The following CLVS1 variants were observed in gnomAD, a reference collection of about 807,000 sequenced individuals.
CLVS1 encodes clavesin-1.
CLVS1 carries 10 observed loss-of-function variants against 33.1 expected under a neutral mutation model. The observed-to-expected ratio is 0.30, with a 90% CI of 0.19 to 0.51. The LOEUF (loss-of-function observed/expected upper bound fraction) is 0.51, where lower values mean the gene tolerates loss of function less well. Ranked by LOEUF, CLVS1 falls within the 20% of genes least tolerant of loss-of-function variation. The pLI is 0.97. For synonymous variants in CLVS1, 163 were observed against 166.1 expected (o/e 0.98, Z 0.14); for missense variants, 343 against 433.4 (o/e 0.79, Z 1.85).
At chr8:61,254,623 G>A (rs181465142) in intron 2 of CLVS1, among the ~76,000 whole-genome samples, 64 of 152,240 alleles carry the variant, frequency 4.2e-4, no homozygotes, top group African/African-American at 1.5e-3. Flanking sequence ...GCAATGGCGG[G>A]CACCCCTCCC....
rs1232356217 is a variant in CLVS1, at chr8:61,299,927, A to T, written c.100A>T (p.Thr34Ser). The change falls in exon 2 of 6, where the codon ACT (threonine) becomes TCT (serine). Residue 34 changes from threonine to serine, a missense_variant. Around this residue, in one of 4 missense-constraint regions of CLVS1, gnomAD observed 88 missense variants for 77.3 expected, o/e 1.14. Coordinates refer to ENST00000325897, the MANE Select transcript of CLVS1 (RefSeq NM_173519.3). The stretch of plus-strand genomic sequence containing the variant: ...TTTACAGGCTGGACTCAGTCCAGAG[A>T]CTATAGAGAAAGCTCGCCTGGAACT... ...THLQAGLSPE[T>S]IEKARLELNE... is the part of the protein sequence containing the mutation. The T allele has an allele frequency of 6.2e-7, 1 of 1,613,902 alleles. No homozygotes were observed. Among genetic ancestry groups the T allele is most frequent in the South Asian group, 1.1e-5 (1 of 91,084 alleles).
intron 1 of CLVS1, among the ~76,000 whole-genome samples, chr8:61,082,977 C>G (rs1486918240): frequency 1.0e-5 from 1 of 97,662 alleles, no homozygotes; most frequent in African/African-American, 4.2e-5. Flanking sequence ...AGAGAAAGAC[C>G]CTGTCTTAAA....
intron 2 of CLVS1, among the ~76,000 whole-genome samples, chr8:61,207,043 T>C (rs900692180): frequency 6.6e-6 from 1 of 152,206 alleles, no homozygotes; most frequent in Non-Finnish European, 1.5e-5. Flanking sequence ...GATGAATGAA[T>C]GAAAGAGCTC....
At chr8:61,227,268 G>T (rs1385289775) in intron 2 of CLVS1, among the ~76,000 whole-genome samples, 1 of 150,680 alleles carries the variant, frequency 6.6e-6, no homozygotes, top group Non-Finnish European at 1.5e-5. Context: ...TGAGGAATTA[G>T]CTCTTCAAGG....
chr8:61,102,745 G>C (rs1295961996), intron 1 of CLVS1, among the ~76,000 whole-genome samples: 1 of 152,054 alleles, frequency 6.6e-6, no homozygotes, highest in Non-Finnish European at 1.5e-5. Context: ...CAGGCCATAA[G>C]GGGCAAAACT....
intron 2 of CLVS1, among the ~76,000 whole-genome samples, chr8:61,273,270 C>T (rs1165005716): frequency 6.6e-6 from 1 of 152,090 alleles, no homozygotes; most frequent in Non-Finnish European, 1.5e-5. Flanking sequence ...TCAGTCTGCC[C>T]CTGCTGGGGG....
In CLVS1 at chr8:61,317,370, A is replaced by T. The variant is rs1276992030; in HGVS notation, c.455+17088A>T. Among the ~76,000 whole-genome samples, 10 of 152,316 alleles carry T rather than the reference A, an allele frequency of 6.6e-5. No homozygotes were observed. The East Asian group carries it at 1.9e-3, about 29-fold the overall frequency. On this transcript the variant is annotated intron_variant, in intron 2 of 5. Coordinates refer to ENST00000325897, the MANE Select transcript of CLVS1 (RefSeq NM_173519.3). ...CCCTTTCCTGAGGGGAGGAGTCCTC[A>T]TGATAGTTTAAAATTCAATCCTGGG...
chr8:61,333,926 C>T (rs2129597489), intron 2 of CLVS1, among the ~76,000 whole-genome samples: 1 of 152,260 alleles, frequency 6.6e-6, no homozygotes, highest in South Asian at 2.1e-4. Context: ...CAGCATTTAG[C>T]TCCCATGTAG....
intron 2 of CLVS1, among the ~76,000 whole-genome samples, chr8:61,260,027 A>G (rs1023049743): frequency 6.6e-6 from 1 of 152,166 alleles, no homozygotes; most frequent in Non-Finnish European, 1.5e-5. Flanking sequence ...CCTAGAATGC[A>G]TAACCCCCAT....
At chr8:61,359,636 G>A (rs898223552) in intron 2 of CLVS1, among the ~76,000 whole-genome samples, 4 of 152,198 alleles carry the variant, frequency 2.6e-5, no homozygotes, top group Admixed American at 2.0e-4. Flanking sequence ...GATTACAGGT[G>A]TGAGCCACCA....
chr8:61,235,872 A>G (rs534803964), intron 2 of CLVS1, among the ~76,000 whole-genome samples: 3 of 152,324 alleles, frequency 2.0e-5, no homozygotes, highest in Non-Finnish European at 2.9e-5. Flanking sequence ...CTTCTGTGTT[A>G]TTAGTCCTCA....
intron 2 of CLVS1, among the ~76,000 whole-genome samples, chr8:61,322,374 A>G (rs967052438): frequency 2.0e-5 from 3 of 152,166 alleles, no homozygotes; most frequent in African/African-American, 7.2e-5. Context: ...GTGCACATTG[A>G]CTATAAATTG....
At chr8:61,193,322 A>G (rs1330806758) in intron 2 of CLVS1, among the ~76,000 whole-genome samples, 1 of 152,174 alleles carries the variant, frequency 6.6e-6, no homozygotes, top group Non-Finnish European at 1.5e-5. Context: ...TGGAACAATG[A>G]GAACACTTGG....
At chr8:61,039,594 G>C in the CLVS1 span, among the ~76,000 whole-genome samples, 5 of 152,028 alleles carry the variant, frequency 3.3e-5, no homozygotes, top group African/African-American at 1.2e-4. Flanking sequence ...CCAGGCTGGA[G>C]TGCAGCGGCG....
intron 3 of CLVS1, among the ~76,000 whole-genome samples, chr8:61,398,394 C>T (rs1320928617): frequency 6.6e-6 from 1 of 152,040 alleles, no homozygotes; most frequent in African/African-American, 2.4e-5. Context: ...ATTGCTCAGG[C>T]TGGTCAGTAA....
intron 2 of CLVS1, among the ~76,000 whole-genome samples, chr8:61,204,039 AG>A (rs1175519721): frequency 6.6e-6 from 1 of 152,224 alleles, no homozygotes; most frequent in Non-Finnish European, 1.5e-5. Flanking sequence ...GACAGGAATG[AG>A]GTCAAGAAGA....
chr8:61,456,872 T>C (rs1424872235), intron 4 of CLVS1, among the ~76,000 whole-genome samples: 11 of 149,784 alleles, frequency 7.3e-5, no homozygotes, highest in Non-Finnish European at 4.4e-5. Flanking sequence ...GAGCCGAGAT[T>C]GCACCACTGC....
rs190861542 is a variant in CLVS1, at chr8:61,255,289, G to C, written c.-151-44388G>C. On this transcript the variant is annotated intron_variant, in intron 2 of 2. Coordinates refer to the CLVS1 transcript ENST00000522621. ...TGACTGAATTAACAGTAATGCTAAAGCAGACACTAAACATCTGATCTTTTG... is the reference window on the plus strand; with the variant it reads ...TGACTGAATTAACAGTAATGCTAAACCAGACACTAAACATCTGATCTTTTG... 1.3e-4 allele frequency among the ~76,000 whole-genome samples: 20 copies of C among 152,286 alleles called. No homozygotes were observed. The East Asian group carries it at 3.7e-3, about 28-fold the overall frequency.
intron 2 of CLVS1, among the ~76,000 whole-genome samples, chr8:61,357,988 A>T (rs1812814022): frequency 6.6e-6 from 1 of 152,200 alleles, no homozygotes; most frequent in African/African-American, 2.4e-5. Flanking sequence ...GATATTTATT[A>T]GCTGTGTCCT....
Sources: gnomAD v4.1 joint callset for allele counts (sites outside exome capture counted in the v4.1 genomes callset) on GRCh38, gnomAD v4.1.1 for gene constraint, gnomAD v4.1.1 regional missense constraint, MANE v1.5 for transcripts, NCBI Gene and HGNC (gene_info 2026-07-23, HGNC 2026-07-21) for gene names.